MATN2: variants seen among roughly 807,000 people sequenced by gnomAD.
The protein encoded by MATN2 is matrilin 2.
A neutral mutation model predicts 103.2 loss-of-function variants in MATN2; 69 were observed. That is an observed-to-expected ratio of 0.67 (90% CI 0.55 to 0.82). MATN2 has a LOEUF of 0.82. MATN2 is among the 40% of genes least tolerant of loss of function. The pLI is 0.00. For synonymous variants in MATN2, 429 were observed against 450.2 expected (o/e 0.95, Z 0.60); for missense variants, 1,023 against 1,211.5 (o/e 0.84, Z 2.31).
At chr8:97,893,029 G>A (rs969294506) in intron 2 of MATN2, among the ~76,000 whole-genome samples, 1 of 152,172 alleles carries the variant, frequency 6.6e-6, no homozygotes, top group Admixed American at 6.5e-5. Flanking sequence ...GACCTCGAGG[G>A]CTCCAAGGAA....
At chr8:98,003,328 C>G (rs1245375341) in intron 7 of MATN2, among the ~76,000 whole-genome samples, 1 of 151,994 alleles carries the variant, frequency 6.6e-6, no homozygotes, top group African/African-American at 2.4e-5. Flanking sequence ...TTGGCCTTAT[C>G]TCTTCTTGGA....
chr8:97,913,615 A>ATT lies in MATN2; in HGVS notation c.143-17322_143-17321dup, dbSNP rs34387422. On this transcript the variant is annotated intron_variant, in intron 2 of 18. Transcript: ENST00000254898. Reference sequence around the variant, plus strand: ...CAGGTATATGCCACTGCACCCTGCCATTTTTTTTTTTTTTTTTGAGATGGA... The same window carrying ATT: ...CAGGTATATGCCACTGCACCCTGCCATTTTTTTTTTTTTTTTTTTGAGATGGA... 1.1e-3 allele frequency among the ~76,000 whole-genome samples: 133 copies of ATT among 121,800 alleles called. 1 individual carries two copies. The highest frequency in any genetic ancestry group is 6.7e-3 in the East Asian group (28 of 4,202). The allele number at this position is 121,800 out of a possible 152,430, so 79.9% of individuals were successfully genotyped here.
At chr8:98,024,347 A>C (rs1411763420) in intron 13 of MATN2, among the ~76,000 whole-genome samples, 1 of 152,168 alleles carries the variant, frequency 6.6e-6, no homozygotes, top group Admixed American at 6.5e-5. Context: ...TCTACTAAAA[A>C]TACAAAAAGT....
At chr8:97,961,111 C>A (rs958013737) in intron 4 of MATN2, among the ~76,000 whole-genome samples, 3 of 152,054 alleles carry the variant, frequency 2.0e-5, no homozygotes, top group Non-Finnish European at 4.4e-5. Context: ...CACCGCATGG[C>A]TGAAAAATGT....
intron 7 of MATN2, among the ~76,000 whole-genome samples, chr8:98,001,112 T>G (rs1166551066): frequency 6.6e-6 from 1 of 152,232 alleles, no homozygotes; most frequent in Non-Finnish European, 1.5e-5. Context: ...AGTCATTACT[T>G]TATGATTTCA....
intron 2 of MATN2, among the ~76,000 whole-genome samples, chr8:97,903,742 G>C (rs1819067535): frequency 1.3e-5 from 2 of 152,164 alleles, no homozygotes; most frequent in Non-Finnish European, 2.9e-5. Context: ...GAATATTAGA[G>C]GAGGTAACCT....
intron 5 of MATN2, among the ~76,000 whole-genome samples, chr8:97,965,723 G>A (rs1009129986): frequency 1.3e-5 from 2 of 151,994 alleles, no homozygotes; most frequent in Admixed American, 1.3e-4. Flanking sequence ...GCTCATGCCT[G>A]TAATCCCAGC....
intron 6 of MATN2, 60 bp from the exon 7 acceptor site, chr8:97,994,420 T>G (rs1812499073): frequency 6.5e-7 from 1 of 1,544,874 alleles, no homozygotes; most frequent in Non-Finnish European, 8.7e-7. Context: ...AAATCCCTGG[T>G]TTTCCTATGC....
intron 2 of MATN2, among the ~76,000 whole-genome samples, chr8:97,924,459 T>A (rs754401837): frequency 5.9e-5 from 9 of 152,230 alleles, no homozygotes; most frequent in Non-Finnish European, 8.8e-5. Context: ...ATATGGAACA[T>A]CACATTTTCT....
intron 3 of MATN2, among the ~76,000 whole-genome samples, chr8:97,939,260 CCTAACACATGTTTT>C (rs1377540284): frequency 6.6e-6 from 1 of 152,158 alleles, no homozygotes; most frequent in Non-Finnish European, 1.5e-5. Context: ...ATGAAACTTA[CCTAACACATGTTTT>C]CCCTGTAAGG....
intron 2 of MATN2, among the ~76,000 whole-genome samples, chr8:97,909,968 A>G (rs1819312632): frequency 6.6e-6 from 1 of 151,622 alleles, no homozygotes; most frequent in Non-Finnish European, 1.5e-5. Context: ...TATTTTTAGT[A>G]GAGACGGGGT....
chr8:98,001,098 A>G (rs1241135699), intron 7 of MATN2, among the ~76,000 whole-genome samples: 1 of 152,166 alleles, frequency 6.6e-6, no homozygotes, highest in African/African-American at 2.4e-5. Context: ...TAAAAATAAA[A>G]TCTAGTCATT....
Position 97,892,583 on chromosome 8 carries a change from A to C in MATN2, c.142+4341A>C, listed in dbSNP as rs1818669848. Reference sequence around the variant, plus strand: ...TGAAAATGCATGGATATGTAGTTGGAAAAGGGAAGAGCATTTAAATAGCCT... The same window carrying C: ...TGAAAATGCATGGATATGTAGTTGGCAAAGGGAAGAGCATTTAAATAGCCT... On this transcript the variant is annotated intron_variant, in intron 2 of 18. Coordinates refer to ENST00000254898, the MANE Select transcript of MATN2 (RefSeq NM_002380.5). 2.0e-5 allele frequency among the ~76,000 whole-genome samples: 3 copies of C among 152,190 alleles called. No homozygotes were observed. In the South Asian group the frequency reaches 6.2e-4, roughly 32 times the overall value.
Position 97,900,762 on chromosome 8 carries a change from C to T in MATN2, c.142+12520C>T, listed in dbSNP as rs146617930. Among the ~76,000 whole-genome samples the T allele has an allele frequency of 3.9e-5, 6 of 152,216 alleles. No homozygotes were observed. The South Asian group carries it at 8.3e-4, about 21-fold the overall frequency. On this transcript the variant is annotated intron_variant, in intron 2 of 18. Transcript: ENST00000254898. ...CGTCCTGGCTAACACGGTGAAACTC[C>T]GTCTCTGCTAAAAATACAAAAAATT...
At chr8:97,976,570 ATTAC>A (rs558100616) in intron 5 of MATN2, among the ~76,000 whole-genome samples, 34 of 152,092 alleles carry the variant, frequency 2.2e-4, no homozygotes, top group Non-Finnish European at 4.7e-4. Flanking sequence ...TTACATATGT[ATTAC>A]TTTTGTAGAT....
intron 5 of MATN2, among the ~76,000 whole-genome samples, chr8:97,963,947 G>A (rs1811398914): frequency 6.6e-6 from 1 of 152,198 alleles, no homozygotes; most frequent in South Asian, 2.1e-4. Flanking sequence ...GCTATGGTGA[G>A]TACAACGCAA....
At position 98,018,043 on chromosome 8, in the gene MATN2, G is replaced by C. The variant is rs370242394; in HGVS notation, c.1746G>C (p.Val582=). The C allele has an allele frequency of 4.3e-6, 7 of 1,613,896 alleles. No homozygotes were observed. Among genetic ancestry groups the C allele is most frequent in the Non-Finnish European group, 5.9e-6 (7 of 1,179,806 alleles). Reference sequence around the variant, plus strand: ...ACCATGGCTGTGAACACATTTGTGTGAACAGTGATGACTCATACACGTGCG... The same window carrying C: ...ACCATGGCTGTGAACACATTTGTGTCAACAGTGATGACTCATACACGTGCG... ...AIDHGCEHIC[V]NSDDSYTCEC... is the part of the protein sequence containing the mutation. The change falls in exon 12 of 19, where the codon GTG becomes GTC. Residue 582 remains valine (V), a synonymous_variant. Coordinates refer to ENST00000254898, the MANE Select transcript of MATN2 (RefSeq NM_002380.5).
chr8:97,935,190 C>T (rs1810335701), intron 3 of MATN2, among the ~76,000 whole-genome samples: 1 of 152,144 alleles, frequency 6.6e-6, no homozygotes, highest in Non-Finnish European at 1.5e-5. Flanking sequence ...TCCCAAGTAG[C>T]TGGGACTACA....
rs191780732 is a variant in MATN2, at chr8:98,018,394, C to T, written c.1819+278C>T. ...GTAGCTGTGTGGGTGCCCGGAAACT[C>T]GCACAGTGCTAGTCACTGGACTGAA... On this transcript the variant is annotated intron_variant, in intron 12 of 18. Transcript: ENST00000254898. Among the ~76,000 whole-genome samples the T allele has an allele frequency of 1.9e-3, 282 of 152,260 alleles. 1 individual carries two copies. Among genetic ancestry groups the T allele is most frequent in the African/African-American group, 5.9e-3 (247 of 41,546 alleles).
Sources: gnomAD v4.1 joint callset for allele counts (sites outside exome capture counted in the v4.1 genomes callset) on GRCh38, gnomAD v4.1.1 for gene constraint, MANE v1.5 for transcripts, NCBI Gene and HGNC (gene_info 2026-07-23, HGNC 2026-07-21) for gene names.